Variants in MLLT3 observed in about 807,000 individuals in gnomAD.
MLLT3 encodes MLLT3 super elongation complex subunit.
A neutral mutation model predicts 53.2 loss-of-function variants in MLLT3; 4 were observed. The ratio of observed to expected loss-of-function variants is 0.08; its 90% CI spans 0.04 to 0.17. The LOEUF is 0.17. Ranked by LOEUF, MLLT3 falls within the 10% of genes least tolerant of loss-of-function variation. The probability of loss-of-function intolerance (pLI) is 1.00; values close to 1 mark genes in which losing one functional copy is unlikely to be tolerated. For missense variants in MLLT3, 569 were observed against 684.0 expected, an observed-to-expected ratio of 0.83 and a Z score of 1.87; for synonymous variants, 283 against 230.6, an observed-to-expected ratio of 1.23 and a Z score of -2.06.
At chr9:20,447,473 T>A (rs1823733865) in intron 4 of MLLT3, among the ~76,000 whole-genome samples, 1 of 152,176 alleles carries the variant, frequency 6.6e-6, no homozygotes, top group Non-Finnish European at 1.5e-5. Context: ...ATCAATAGTG[T>A]TTGTACAGCT....
At chr9:20,599,655 G>C (rs114984549) in intron 2 of MLLT3, among the ~76,000 whole-genome samples, 1 of 152,100 alleles carries the variant, frequency 6.6e-6, no homozygotes, top group Non-Finnish European at 1.5e-5. Context: ...TTAGGACTTG[G>C]AGTCAAAAGG....
chr9:20,502,667 T>G (rs1162448049), intron 2 of MLLT3, among the ~76,000 whole-genome samples: 2 of 152,226 alleles, frequency 1.3e-5, no homozygotes, highest in Non-Finnish European at 2.9e-5. Flanking sequence ...CAGGAGAATG[T>G]GCATAGGTTA....
At chr9:20,454,421 C>A (rs78853417) in intron 3 of MLLT3, among the ~76,000 whole-genome samples, 16,858 of 152,148 alleles carry the variant, frequency 0.11, 2,692 homozygotes, top group African/African-American at 0.35. Context: ...TGTTCAACTC[C>A]GAGCTTGTAC....
chr9:20,545,734 G>C (rs1818769261), intron 2 of MLLT3, among the ~76,000 whole-genome samples: 1 of 151,782 alleles, frequency 6.6e-6, no homozygotes, highest in East Asian at 1.9e-4. Context: ...AATTATGAAA[G>C]GGGACCAGGT....
intron 5 of MLLT3, among the ~76,000 whole-genome samples, chr9:20,393,568 A>G (rs1822244133): frequency 6.6e-6 from 1 of 152,232 alleles, no homozygotes; most frequent in Non-Finnish European, 1.5e-5. Flanking sequence ...AATTAAATAC[A>G]GGTCTGAATG....
At chr9:20,388,800 T>C (rs1822109296) in intron 5 of MLLT3, among the ~76,000 whole-genome samples, 2 of 152,106 alleles carry the variant, frequency 1.3e-5, no homozygotes, top group Non-Finnish European at 2.9e-5. Flanking sequence ...GGTGAGACCA[T>C]ATAGTTTATC....
In MLLT3 at chr9:20,549,253, G is replaced by A. The variant is rs145566550; in HGVS notation, c.193+71401C>T. Among the ~76,000 whole-genome samples the A allele has an allele frequency of 4.4e-3, 667 of 152,300 alleles. 4 individuals carry two copies. The highest frequency in any genetic ancestry group is 0.014 in the African/African-American group (583 of 41,560). ...GCAACATCAGAATGAGAAAAGCCAA[G>A]TAGCTATAATTTGTGTGAGCCAAAA... On this transcript the variant is annotated intron_variant, in intron 2 of 10. Coordinates refer to ENST00000380338, the MANE Select transcript of MLLT3 (RefSeq NM_004529.4).
At chr9:20,398,700 G>C (rs962161970) in intron 5 of MLLT3, among the ~76,000 whole-genome samples, 1 of 152,198 alleles carries the variant, frequency 6.6e-6, no homozygotes, top group East Asian at 1.9e-4. Flanking sequence ...AAATAGGGAG[G>C]CAGAAATTTC....
intron 5 of MLLT3, among the ~76,000 whole-genome samples, chr9:20,371,809 T>A (rs1442298513): frequency 6.6e-6 from 1 of 152,210 alleles, no homozygotes; most frequent in Non-Finnish European, 1.5e-5. Flanking sequence ...ATTTAAGAAA[T>A]ACATTTTGTA....
At chr9:20,360,992 T>C (rs1816327613) in intron 7 of MLLT3, 151 bp from the exon 8 acceptor site, 2 of 670,680 alleles carry the variant, frequency 3.0e-6, no homozygotes, top group Non-Finnish European at 5.3e-6. Context: ...TGGTGCTTAC[T>C]TTGTAACTGG....
chr9:20,513,429 C>T (rs1232087050), intron 2 of MLLT3, among the ~76,000 whole-genome samples: 4 of 152,128 alleles, frequency 2.6e-5, no homozygotes, highest in East Asian at 3.9e-4. Flanking sequence ...AGTACCAATG[C>T]GGGCGAAAGA....
chr9:20,570,651 A>G (rs1228321715), intron 2 of MLLT3, among the ~76,000 whole-genome samples: 2 of 152,214 alleles, frequency 1.3e-5, no homozygotes. Flanking sequence ...CAAACATTTA[A>G]GCAAAATCAA....
intron 2 of MLLT3, among the ~76,000 whole-genome samples, chr9:20,547,078 T>C (rs948069927): frequency 3.9e-5 from 6 of 152,216 alleles, no homozygotes; most frequent in Admixed American, 6.5e-5. Flanking sequence ...CTGGAGTCAA[T>C]AGGAGTTTGG....
intron 2 of MLLT3, among the ~76,000 whole-genome samples, chr9:20,552,652 G>T (rs1453721832): frequency 2.6e-5 from 4 of 152,054 alleles, no homozygotes; most frequent in Non-Finnish European, 5.9e-5. Flanking sequence ...TTATTTTTAA[G>T]GACCCAAAAT....
chr9:20,420,061 A>G (rs1222863895), intron 4 of MLLT3, among the ~76,000 whole-genome samples: 1 of 151,878 alleles, frequency 6.6e-6, no homozygotes, highest in Non-Finnish European at 1.5e-5. Flanking sequence ...TTTTTATGTT[A>G]AAGTGGAATA....
At chr9:20,591,867 T>C (rs564784110) in intron 2 of MLLT3, among the ~76,000 whole-genome samples, 108 of 152,208 alleles carry the variant, frequency 7.1e-4, no homozygotes, top group African/African-American at 2.5e-3. Flanking sequence ...TTTTAAGAAA[T>C]GTTAAACAGA....
At chr9:20,536,483 G>T (rs140519295) in intron 2 of MLLT3, among the ~76,000 whole-genome samples, 2 of 152,080 alleles carry the variant, frequency 1.3e-5, no homozygotes, top group African/African-American at 4.8e-5. Context: ...TACTGAGCAC[G>T]CCATAAAAAC....
intron 2 of MLLT3, among the ~76,000 whole-genome samples, chr9:20,551,703 C>T (rs1818930403): frequency 6.6e-6 from 1 of 152,204 alleles, no homozygotes; most frequent in African/African-American, 2.4e-5. Context: ...GTGCTAACTA[C>T]TGTATACTTA....
chr9:20,513,627 G>A (rs1438824456), intron 2 of MLLT3, among the ~76,000 whole-genome samples: 4 of 152,154 alleles, frequency 2.6e-5, no homozygotes, highest in East Asian at 1.9e-4. Flanking sequence ...AGTGGCTACC[G>A]TGGCGTATCT....
Sources: gnomAD v4.1 joint callset for allele counts (sites outside exome capture counted in the v4.1 genomes callset) on GRCh38, gnomAD v4.1.1 for gene constraint, MANE v1.5 for transcripts, NCBI Gene and HGNC (gene_info 2026-07-23, HGNC 2026-07-21) for gene names.